TUT4: variants seen among roughly 807,000 people sequenced by gnomAD.
The protein encoded by TUT4 is terminal uridylyl transferase 4, also known as terminal uridylyltransferase 4.
TUT4 carries 36 observed loss-of-function variants against 192.2 expected under a neutral mutation model. That is an observed-to-expected ratio of 0.19 (90% CI 0.14 to 0.25). TUT4 has a LOEUF of 0.25. Among genes scored for constraint, TUT4 ranks in the 10% least tolerant of loss-of-function variants. TUT4 has a pLI of 1.00. For synonymous variants in TUT4, 618 were observed against 666.0 expected (o/e 0.93, Z 1.11); for missense variants, 1,493 against 1,957.2 (o/e 0.76, Z 4.47).
At chr1:52,475,649 G>C (rs1666885337) in intron 12 of TUT4, 114 bp from the exon 13 acceptor site, 13 of 1,025,130 alleles carry the variant, frequency 1.3e-5, no homozygotes, top group Non-Finnish European at 1.8e-5. Flanking sequence ...TTTCCCAAGG[G>C]GTTTTTCTAA....
intron 1 of TUT4, among the ~76,000 whole-genome samples, chr1:52,552,178 C>CA (rs1689617163): frequency 6.6e-6 from 1 of 152,232 alleles, no homozygotes; most frequent in South Asian, 2.1e-4. Flanking sequence ...CATTCAAGTA[C>CA]GACTAGAAAT....
intron 2 of TUT4, among the ~76,000 whole-genome samples, chr1:52,524,259 G>A (rs1332130386): frequency 6.6e-6 from 1 of 152,148 alleles, no homozygotes; most frequent in Non-Finnish European, 1.5e-5. Flanking sequence ...CCAAAGGCCG[G>A]GCACAGTGGC....
intron 20 of TUT4, among the ~76,000 whole-genome samples, chr1:52,456,608 T>C (rs1305394602): frequency 6.6e-6 from 1 of 151,686 alleles, no homozygotes; most frequent in South Asian, 2.1e-4. Context: ...CTACATACTA[T>C]ATGATTCCAA....
At chr1:52,550,445 C>T (rs993864906) in intron 1 of TUT4, among the ~76,000 whole-genome samples, 1 of 145,548 alleles carries the variant, frequency 6.9e-6, no homozygotes, top group Admixed American at 6.8e-5. Flanking sequence ...TCATTGAGTT[C>T]TATTTTGTCA....
In TUT4 at chr1:52,462,040, T is replaced by C. The variant is rs181214916; in HGVS notation, c.3070-271A>G. 4 of 285,376 alleles carry C rather than the reference T, an allele frequency of 1.4e-5. No individual in the cohort carries two copies. In the East Asian group the frequency reaches 2.4e-4, roughly 17 times the overall value. 17.7% of individuals were successfully genotyped at this position (285,376 alleles called of 1,614,324 possible). ...AGGTAATTCACATGCAGATTAAAGT[T>C]TGAGAAGCACAAAGACAGGAGAAGA... On this transcript the variant is annotated intron_variant, in intron 16 of 29. Transcript: ENST00000257177.
At chr1:52,433,138 G>A (rs1275908177) in intron 27 of TUT4, 2 of 151,932 alleles carry the variant, frequency 1.3e-5, no homozygotes, top group Admixed American at 1.3e-4. Flanking sequence ...GTGCAATCTC[G>A]GCACATTGCA....
chr1:52,448,588 C>CAAAAAAAA lies in TUT4; in HGVS notation c.3436-1929_3436-1922dup, dbSNP rs1190767355. ...TGGGTGACTAAGCGAGATTCTGTCT[C>CAAAAAAAA]AAAAAAAAAAAAAAAAAAAAAAAAA... On this transcript the variant is annotated intron_variant, in intron 20 of 29. Coordinates refer to ENST00000257177, the MANE Select transcript of TUT4 (RefSeq NM_001009881.3). 2.0e-4 allele frequency among the ~76,000 whole-genome samples: 8 copies of CAAAAAAAA among 40,804 alleles called. No homozygotes were observed. In the East Asian group the frequency reaches 5.0e-3, roughly 26 times the overall value. 26.8% of individuals were successfully genotyped at this position (40,804 alleles called of 152,430 possible). A position where few individuals can be genotyped will look rare whatever the true frequency, so the allele number is the denominator to read the frequency against.
At chr1:52,516,986 C>A (rs866596021) in intron 2 of TUT4, among the ~76,000 whole-genome samples, 55 of 152,244 alleles carry the variant, frequency 3.6e-4, no homozygotes, top group African/African-American at 1.3e-3. Context: ...GATCTTGCCA[C>A]GACACTTTTC....
intron 9 of TUT4, among the ~76,000 whole-genome samples, chr1:52,485,603 T>A (rs1416495903): frequency 6.6e-6 from 1 of 152,162 alleles, no homozygotes; most frequent in Admixed American, 6.5e-5. Context: ...ATAAATGGTT[T>A]TCATCATAAA....
chr1:52,466,620 C>T lies in TUT4; in HGVS notation c.2966-1447G>A, dbSNP rs1664214284. Among the ~76,000 whole-genome samples, 6 of 143,800 alleles carry T rather than the reference C, an allele frequency of 4.2e-5. No individual in the cohort carries two copies. The South Asian group carries it at 1.3e-3, about 32-fold the overall frequency. 94.3% of individuals were successfully genotyped at this position (143,800 alleles called of 152,430 possible). ...ATGATTGCACCACTGCAGTTGAGCC[C>T]GGGTGACAGAGTAATATCCTATTTC... On this transcript the variant is annotated intron_variant, in intron 15 of 29. Coordinates refer to ENST00000257177, the MANE Select transcript of TUT4 (RefSeq NM_001009881.3).
At chr1:52,519,916 G>A (rs1008301428) in intron 2 of TUT4, among the ~76,000 whole-genome samples, 1 of 151,594 alleles carries the variant, frequency 6.6e-6, no homozygotes, top group Non-Finnish European at 1.5e-5. Context: ...CTACTTGGGA[G>A]GCTGAGGCAG....
intron 29 of TUT4, 160 bp downstream of exon 29, chr1:52,425,189 T>G (rs1285473748): frequency 1.3e-6 from 1 of 796,810 alleles, no homozygotes; most frequent in African/African-American, 1.8e-5. Flanking sequence ...GGAGATTTTG[T>G]TTTACAAGCA....
In TUT4 at chr1:52,461,759, C is replaced by A. The variant is rs1158003588; in HGVS notation, c.3080G>T (p.Cys1027Phe). The A allele has an allele frequency of 1.4e-6, 2 of 1,394,414 alleles. No homozygotes were observed. The highest frequency in any genetic ancestry group is 2.4e-5 in the East Asian group (1 of 41,190). The allele number at this position is 1,394,414 out of a possible 1,614,324, so 86.4% of individuals were successfully genotyped here. Reference sequence around the variant, plus strand: ...TGCCAAATTTTCAATTATTTCCTTACAATTTAATTTCTAAAAAACAAATCA... The same window carrying A: ...TGCCAAATTTTCAATTATTTCCTTAAAATTTAATTTCTAAAAAACAAATCA... ...EGHENAEKLN[C>F]KEIIENLAKI... Residue 1027 changes from cysteine (C) to phenylalanine (F), a missense_variant, in exon 17 of 30, where the codon TGT becomes TTT. Cys to Phe is a radical substitution (Grantham distance 205, BLOSUM62 -2). Transcript: ENST00000257177.
chr1:52,432,612 T>C (rs868156002), intron 27 of TUT4: 3 of 152,108 alleles, frequency 2.0e-5, no homozygotes, highest in Admixed American at 1.3e-4. Context: ...AAGAATAAAA[T>C]AGAGAATTTT....
chr1:52,497,686 T>C (rs1672801933), intron 4 of TUT4, among the ~76,000 whole-genome samples: 2 of 152,354 alleles, frequency 1.3e-5, no homozygotes, highest in South Asian at 4.1e-4. Context: ...CTAAAAGTTT[T>C]AAAGCCAATT....
At chr1:52,472,202 G>A in intron 13 of TUT4, 100 bp from the exon 14 acceptor site, 2 of 1,121,346 alleles carry the variant, frequency 1.8e-6, no homozygotes, top group Non-Finnish European at 2.5e-6. Flanking sequence ...ACTCAGTTTT[G>A]ATAACCTGTG....
chr1:52,432,317 T>G (rs900969033), intron 27 of TUT4: 2 of 151,862 alleles, frequency 1.3e-5, no homozygotes, highest in African/African-American at 4.8e-5. Flanking sequence ...AAGGGAGAGA[T>G]AAGGGGAGAG....
chr1:52,493,006 A>G (rs1043419608), intron 7 of TUT4, among the ~76,000 whole-genome samples: 3 of 152,196 alleles, frequency 2.0e-5, no homozygotes, highest in African/African-American at 4.8e-5. Flanking sequence ...CTTCTTTTAC[A>G]TAAGAAATGC....
intron 20 of TUT4, 68 bp from the exon 21 acceptor site, chr1:52,446,735 T>TTA: frequency 8.7e-7 from 1 of 1,154,738 alleles, no homozygotes; most frequent in Non-Finnish European, 1.2e-6. Flanking sequence ...AATACTCTAA[T>TTA]ACCATTTTAG....
Sources: gnomAD v4.1 joint callset for allele counts (sites outside exome capture counted in the v4.1 genomes callset) on GRCh38, gnomAD v4.1.1 for gene constraint, MANE v1.5 for transcripts, NCBI Gene and HGNC (gene_info 2026-07-23, HGNC 2026-07-21) for gene names.